Variants in RBM6 observed in about 807,000 individuals in gnomAD.
The protein encoded by RBM6 is RNA binding motif protein 6.
Under a neutral mutation model 140.4 loss-of-function variants are expected in RBM6, and 23 were observed. The observed-to-expected ratio is 0.16, with a 90% CI of 0.12 to 0.23. The LOEUF (loss-of-function observed/expected upper bound fraction) is 0.23, where lower values mean the gene tolerates loss of function less well. RBM6 is among the 10% of genes least tolerant of loss of function. The probability of loss-of-function intolerance (pLI) is 1.00; values close to 1 mark genes in which losing one functional copy is unlikely to be tolerated. For missense variants in RBM6, 1,139 were observed against 1,386.7 expected (o/e 0.82, Z 2.84); for synonymous variants, 439 against 475.6 (o/e 0.92, Z 1.00).
intron 6 of RBM6, among the ~76,000 whole-genome samples, chr3:50,029,010 T>G (rs940356191): frequency 8.5e-5 from 13 of 152,244 alleles, no homozygotes; most frequent in Non-Finnish European, 1.8e-4. Context: ...TAGCCATATA[T>G]TCTTGTTTGT....
chr3:49,992,298 G>A (rs1375172536), intron 5 of RBM6, among the ~76,000 whole-genome samples: 1 of 151,994 alleles, frequency 6.6e-6, no homozygotes, highest in African/African-American at 2.4e-5. Context: ...TTTGCACCAG[G>A]GCTAAGGCAG....
chr3:49,983,907 G>A (rs1316319430), intron 5 of RBM6, among the ~76,000 whole-genome samples: 1 of 152,174 alleles, frequency 6.6e-6, no homozygotes, highest in Non-Finnish European at 1.5e-5. Flanking sequence ...AGTGCTGCAG[G>A]GATCAGGTGA....
chr3:50,010,900 CAAAAAA>C (rs776065398), intron 6 of RBM6, among the ~76,000 whole-genome samples: 4 of 52,236 alleles, frequency 7.7e-5, no homozygotes, highest in African/African-American at 1.7e-4. Context: ...AAGACTGTCT[CAAAAAA>C]AAAAAAAAAA....
At chr3:50,015,551 C>G (rs2087095414) in intron 6 of RBM6, among the ~76,000 whole-genome samples, 1 of 151,734 alleles carries the variant, frequency 6.6e-6, no homozygotes, top group Non-Finnish European at 1.5e-5. Context: ...CTGCCTCAGC[C>G]TCCTGAGTAG....
At chr3:50,075,176 G>C (rs182326068) in intron 19 of RBM6, 25 bp from the exon 20 acceptor site, 9 of 1,584,440 alleles carry the variant, frequency 5.7e-6, no homozygotes, top group Non-Finnish European at 6.8e-6. Flanking sequence ...AAAAAAGGAA[G>C]TGATGGTGTC....
At position 49,964,868 on chromosome 3, in the gene RBM6, T is replaced by C. The variant is rs1442416285; in HGVS notation, c.44+2183T>C. Among the ~76,000 whole-genome samples the C allele has an allele frequency of 4.6e-5, 7 of 152,214 alleles. 1 individual carries two copies. The South Asian group carries it at 8.3e-4, about 18-fold the overall frequency. On this transcript the variant is annotated intron_variant, in intron 2 of 20. Coordinates refer to ENST00000266022, the MANE Select transcript of RBM6 (RefSeq NM_005777.3). ...TTTGTCTTTGACTCGTTTAAACTTA[T>C]TTAAAATTATATTTTCCCACCTTAA... is the stretch of plus-strand genomic sequence containing the variant.
At chr3:49,966,820 T>C (rs2084536528) in intron 2 of RBM6, among the ~76,000 whole-genome samples, 1 of 152,110 alleles carries the variant, frequency 6.6e-6, no homozygotes, top group African/African-American at 2.4e-5. Context: ...TTAGAGTGCT[T>C]CTTGGTGGAG....
At chr3:50,054,112 C>A (rs905482133) in intron 7 of RBM6, 1 of 481,182 alleles carries the variant, frequency 2.1e-6, no homozygotes, top group Non-Finnish European at 3.7e-6. Flanking sequence ...TTGGGCTGCA[C>A]CAAAGTCCCA....
chr3:50,001,127 A>AT (rs1334123592), intron 6 of RBM6, among the ~76,000 whole-genome samples: 1 of 152,136 alleles, frequency 6.6e-6, no homozygotes, highest in Non-Finnish European at 1.5e-5. Flanking sequence ...CCAAATGCTG[A>AT]TTGGACATAT....
At chr3:49,999,553 AT>A in intron 6 of RBM6, 40 bp downstream of exon 6, 4 of 1,475,466 alleles carry the variant, frequency 2.7e-6, no homozygotes, top group Non-Finnish European at 3.8e-6. Flanking sequence ...GGAAGGATAT[AT>A]TTTTTTATAT....
intron 6 of RBM6, among the ~76,000 whole-genome samples, 172 bp downstream of exon 6, chr3:49,999,685 C>T (rs1167079255): frequency 6.6e-6 from 1 of 151,734 alleles, no homozygotes; most frequent in African/African-American, 2.4e-5. Flanking sequence ...GGAAAGCTTT[C>T]TCTACAAAAC....
At chr3:49,999,355 G>A (rs772321458) in intron 5 of RBM6, 85 bp from the exon 6 acceptor site, 1 of 1,211,726 alleles carries the variant, frequency 8.3e-7, no homozygotes, top group Non-Finnish European at 1.2e-6. Context: ...TGTTTAAGGG[G>A]TTCAGAAACA....
At chr3:50,018,060 G>C (rs2087262297) in intron 6 of RBM6, among the ~76,000 whole-genome samples, 1 of 152,098 alleles carries the variant, frequency 6.6e-6, no homozygotes, top group Non-Finnish European at 1.5e-5. Context: ...CATTATCAAG[G>C]GTTCACTCTG....
intron 6 of RBM6, among the ~76,000 whole-genome samples, chr3:50,007,282 C>T (rs1223263512): frequency 2.6e-5 from 4 of 151,234 alleles, no homozygotes; most frequent in Admixed American, 2.0e-4. Flanking sequence ...CTGCAACCTC[C>T]GTTTTTGGGG....
At chr3:50,045,882 A>G (rs78053748) in intron 6 of RBM6, among the ~76,000 whole-genome samples, 1,785 of 152,306 alleles carry the variant, frequency 0.012, 45 homozygotes, top group African/African-American at 0.04. Flanking sequence ...CAAAGAAGTT[A>G]AGGACCTTGC....
intron 8 of RBM6, among the ~76,000 whole-genome samples, chr3:50,056,066 C>T (rs1278142578): frequency 2.6e-5 from 4 of 152,094 alleles, no homozygotes; most frequent in Non-Finnish European, 4.4e-5. Flanking sequence ...CTTTTGTCCT[C>T]TTGTGGAGAT....
rs368848170 is a variant in RBM6 at position 50,063,676 on chromosome 3, G to A, written c.2587-1355G>A. On this transcript the variant is annotated intron_variant, in intron 15 of 20. Coordinates refer to ENST00000266022, the MANE Select transcript of RBM6 (RefSeq NM_005777.3). ...AGCACTTTGAGAGGCCAAGGCAGGC[G>A]GATTACTTTAGGTCAGGAGTTTGAG... 1.3e-4 allele frequency among the ~76,000 whole-genome samples: 20 copies of A among 151,950 alleles called. No individual in the cohort carries two copies. The East Asian group carries it at 2.3e-3, about 18-fold the overall frequency.
chr3:49,991,312 T>C (rs955766332), intron 5 of RBM6, among the ~76,000 whole-genome samples: 5 of 152,120 alleles, frequency 3.3e-5, no homozygotes, highest in African/African-American at 1.2e-4. Context: ...CCCTTTTGTG[T>C]AGTTGTTTTT....
intron 2 of RBM6, among the ~76,000 whole-genome samples, chr3:49,964,905 A>G (rs918140139): frequency 1.4e-4 from 21 of 152,214 alleles, no homozygotes; most frequent in African/African-American, 4.8e-4. Context: ...TTTAGTTTAA[A>G]TGTAAGTCAT....
Sources: allele counts gnomAD v4.1 joint callset (sites outside exome capture counted in the v4.1 genomes callset), GRCh38; gene constraint gnomAD v4.1.1; transcripts MANE v1.5; gene names NCBI Gene and HGNC (gene_info 2026-07-23, HGNC 2026-07-21).